The following YIPF1 variants were observed in gnomAD, a reference collection of about 807,000 sequenced individuals.
YIPF1 encodes the protein Yip1 domain family member 1.
YIPF1 carries 22 observed loss-of-function variants against 37.0 expected under a neutral mutation model. The ratio of observed to expected loss-of-function variants is 0.59; its 90% CI spans 0.42 to 0.85. The LOEUF is 0.85. Among genes scored for constraint, YIPF1 ranks in the 40% least tolerant of loss-of-function variants. The pLI is 0.00. For synonymous variants in YIPF1, 128 were observed against 131.9 expected (o/e 0.97, Z 0.21); for missense variants, 355 against 373.1 (o/e 0.95, Z 0.40).
chr1:53,872,600 G>T (rs1002588810), intron 6 of YIPF1, among the ~76,000 whole-genome samples: 2 of 152,160 alleles, frequency 1.3e-5, no homozygotes, highest in Non-Finnish European at 2.9e-5. Context: ...TTAATAAATT[G>T]TATGAATTTC....
rs1650040108 is a variant in YIPF1 at position 53,866,875 on chromosome 1, A to G, written c.531T>C (p.Leu177=). 1 of 1,614,066 alleles carries G rather than the reference A, an allele frequency of 6.2e-7. No homozygotes were observed. The highest frequency in any genetic ancestry group is 1.7e-5 in the Admixed American group (1 of 60,002). Residue 177 remains leucine (L), a synonymous_variant, in exon 8 of 11, where the codon CTT becomes CTC. Transcript: ENST00000072644. ...TCCACATGAGGAAACCCCAGAGTGC[A>G]AGAGGAACCAGCCAGGCATAGGCAT... ...IIYAYAWLVP[L]ALWGFLMWRN...
At chr1:53,878,485 T>C in intron 5 of YIPF1, 83 bp from the exon 6 acceptor site, 1 of 1,517,692 alleles carries the variant, frequency 6.6e-7, no homozygotes, top group Non-Finnish European at 9.1e-7. Context: ...ACTCAGTCAT[T>C]AGAGCTTTTA....
intron 6 of YIPF1, among the ~76,000 whole-genome samples, chr1:53,876,193 TC>T (rs1181622775): frequency 6.6e-6 from 1 of 152,206 alleles, no homozygotes; most frequent in African/African-American, 2.4e-5. Context: ...GGCAATTTTT[TC>T]CCCAGAGTTG....
In YIPF1 at chr1:53,852,261, CAA is replaced by C. The variant is rs1035203360; in HGVS notation, c.*16_*17del. The C allele has an allele frequency of 2.0e-5, 3 of 152,160 alleles. No homozygotes were observed. Among genetic ancestry groups the C allele is most frequent in the Non-Finnish European group, 4.4e-5 (3 of 68,080 alleles). 9.4% of individuals were successfully genotyped at this position (152,160 alleles called of 1,614,324 possible). On this transcript the variant is annotated 3_prime_UTR_variant, in exon 11 of 11. Transcript: ENST00000072644. Reference sequence around the variant, plus strand: ...TCCCAAAGAACCATGCTCCAAAAAACAAAAGAGAACTGAAAAACAAAACGGGA... The same window carrying C: ...TCCCAAAGAACCATGCTCCAAAAAACAAGAGAACTGAAAAACAAAACGGGA...
intron 9 of YIPF1, 57 bp from the exon 10 acceptor site, chr1:53,860,210 T>G: frequency 1.3e-6 from 2 of 1,541,056 alleles, no homozygotes; most frequent in Non-Finnish European, 1.8e-6. Flanking sequence ...CGGGTAAGTG[T>G]TTTTTTAGAC....
At chr1:53,867,458 C>T (rs559016540) in intron 7 of YIPF1, among the ~76,000 whole-genome samples, 10 of 150,780 alleles carry the variant, frequency 6.6e-5, no homozygotes, top group Non-Finnish European at 1.2e-4. Flanking sequence ...CTGCAAGCTC[C>T]GCCTCCCGGG....
chr1:53,859,210 G>C (rs1649800635), intron 10 of YIPF1, among the ~76,000 whole-genome samples: 1 of 152,132 alleles, frequency 6.6e-6, no homozygotes, highest in African/African-American at 2.4e-5. Flanking sequence ...AGCCTAACTG[G>C]GGAGACATTG....
rs1459654455 is a variant in YIPF1, at chr1:53,887,022, T to C, written c.31+1885A>G. ...GAGAGCAGCAGATGAAATCAGAGGGTTGGAGGCTGCATCATATAGGGGCCT... is the reference window on the plus strand; with the variant it reads ...GAGAGCAGCAGATGAAATCAGAGGGCTGGAGGCTGCATCATATAGGGGCCT... On this transcript the variant is annotated intron_variant, in intron 3 of 10. Coordinates refer to ENST00000072644, the MANE Select transcript of YIPF1 (RefSeq NM_018982.5). 2.6e-5 allele frequency among the ~76,000 whole-genome samples: 4 copies of C among 151,920 alleles called. No homozygotes were observed. The East Asian group carries it at 7.7e-4, about 29-fold the overall frequency.
At chr1:53,852,966 T>A (rs1029707997) in intron 10 of YIPF1, among the ~76,000 whole-genome samples, 2 of 152,148 alleles carry the variant, frequency 1.3e-5, no homozygotes, top group African/African-American at 4.8e-5. Flanking sequence ...GAACACTGGG[T>A]ATGGTAACAA....
intron 3 of YIPF1, 124 bp from the exon 4 acceptor site, chr1:53,883,400 C>A (rs1650557650): frequency 4.4e-6 from 5 of 1,129,756 alleles, no homozygotes; most frequent in Middle Eastern, 2.1e-4. Flanking sequence ...ATACAAAGGG[C>A]AAAAGCTTTG....
intron 10 of YIPF1, among the ~76,000 whole-genome samples, chr1:53,853,485 T>TA (rs992511969): frequency 6.6e-6 from 1 of 152,128 alleles, no homozygotes; most frequent in African/African-American, 2.4e-5. Context: ...GGGCTGGAGA[T>TA]AGAGTTAAAT....
At chr1:53,865,380 T>C (rs934643259) in intron 9 of YIPF1, among the ~76,000 whole-genome samples, 3 of 152,134 alleles carry the variant, frequency 2.0e-5, no homozygotes, top group Non-Finnish European at 4.4e-5. Context: ...TTTAAAAATA[T>C]GTAAGTTAAA....
chr1:53,866,709 C>A (rs750995988), intron 8 of YIPF1, 49 bp downstream of exon 8: 29 of 1,562,072 alleles, frequency 1.9e-5, no homozygotes, highest in Non-Finnish European at 2.3e-5. Context: ...GAAGTTTCTA[C>A]CAAGAACAGA....
At chr1:53,871,597 A>G in intron 6 of YIPF1, 109 bp from the exon 7 acceptor site, 1 of 936,682 alleles carries the variant, frequency 1.1e-6, no homozygotes, top group South Asian at 1.6e-5. Flanking sequence ...AAAGAAAATG[A>G]ATTTTCTAGA....
At chr1:53,879,312 T>G (rs780485847) in intron 4 of YIPF1, among the ~76,000 whole-genome samples, 32 of 152,166 alleles carry the variant, frequency 2.1e-4, no homozygotes, top group Admixed American at 1.2e-3. Flanking sequence ...CAGGCTGGTC[T>G]CAAACTCTTG....
intron 10 of YIPF1, 84 bp downstream of exon 10, chr1:53,859,972 T>C (rs1232716392): frequency 2.9e-6 from 4 of 1,377,538 alleles, no homozygotes; most frequent in Non-Finnish European, 4.1e-6. Context: ...TGGCCCTCTG[T>C]GCTTAAAGCT....
intron 6 of YIPF1, among the ~76,000 whole-genome samples, chr1:53,872,852 G>A (rs751075396): frequency 1.2e-4 from 18 of 152,142 alleles, no homozygotes; most frequent in Non-Finnish European, 1.8e-4. Flanking sequence ...TCACTAGACT[G>A]AAAGCTTTCT....
At chr1:53,880,960 T>C (rs569453372) in intron 4 of YIPF1, among the ~76,000 whole-genome samples, 59 of 152,134 alleles carry the variant, frequency 3.9e-4, no homozygotes, top group African/African-American at 1.4e-3. Context: ...AAAAAAACCC[T>C]AGAAGAGAAT....
chr1:53,883,465 G>A (rs1557611265), intron 3 of YIPF1, among the ~76,000 whole-genome samples, 189 bp from the exon 4 acceptor site: 2 of 152,174 alleles, frequency 1.3e-5, no homozygotes, highest in Admixed American at 6.5e-5. Flanking sequence ...TGACTATGAA[G>A]ACAACAGAAT....
Sources: allele counts gnomAD v4.1 joint callset (sites outside exome capture counted in the v4.1 genomes callset), GRCh38; gene constraint gnomAD v4.1.1; transcripts MANE v1.5; gene names NCBI Gene and HGNC (gene_info 2026-07-23, HGNC 2026-07-21).